HMCN2: variants seen among roughly 807,000 people sequenced by gnomAD.
HMCN2 encodes hemicentin 2, also known as hemicentin-2.
In HMCN2, 325 loss-of-function variants were observed where a neutral mutation model predicts 377.5. The observed-to-expected ratio is 0.86, with a 90% CI of 0.79 to 0.94. The LOEUF is 0.94. Among genes scored for constraint, HMCN2 ranks in the 40% least tolerant of loss-of-function variants. The pLI, the probability that HMCN2 is intolerant of heterozygous loss-of-function variation, is 0.00. For missense variants in HMCN2, 4,543 were observed against 4,725.3 expected (o/e 0.96, Z 1.13); for synonymous variants, 2,007 against 2,046.8 (o/e 0.98, Z 0.53).
At chr9:130,366,947 TG>T (rs1487442066) in intron 43 of HMCN2, among the ~76,000 whole-genome samples, 3 of 152,108 alleles carry the variant, frequency 2.0e-5, no homozygotes, top group Non-Finnish European at 4.4e-5. Flanking sequence ...AAAGATGTTC[TG>T]GGGGGTTGTA....
At chr9:130,268,860 G>A (rs1554920154) in intron 1 of HMCN2, among the ~76,000 whole-genome samples, 1 of 148,732 alleles carries the variant, frequency 6.7e-6, no homozygotes, top group Non-Finnish European at 1.5e-5. Context: ...TGAGTGCAGG[G>A]CCGATTGATG....
Position 130,356,070 on chromosome 9 carries a change from C to T in HMCN2, c.5256-18C>T, listed in dbSNP as rs1197937317. The T allele has an allele frequency of 1.6e-6, 2 of 1,253,600 alleles. No individual in the cohort carries two copies. Among genetic ancestry groups the T allele is most frequent in the Non-Finnish European group, 2.1e-6 (2 of 966,726 alleles). 77.7% of individuals were successfully genotyped at this position (1,253,600 alleles called of 1,614,324 possible). A position where few individuals can be genotyped will look rare whatever the true frequency, so the allele number is the denominator to read the frequency against. On this transcript the variant is annotated intron_variant, in intron 33 of 97. Coordinates refer to ENST00000683500, the MANE Select transcript of HMCN2 (RefSeq NM_001291815.2). ...CCCTGGTCTCAGGTTGACACGCCCC[C>T]CTCCCTACTCACCTTAGGTGGCTGC...
chr9:130,314,421 C>T (rs922450667), intron 15 of HMCN2, among the ~76,000 whole-genome samples: 9 of 152,356 alleles, frequency 5.9e-5, no homozygotes, highest in African/African-American at 2.2e-4. Flanking sequence ...CTAATCCAGC[C>T]TGCATCATTC....
At chr9:130,324,706 C>A (rs1051911795) in intron 19 of HMCN2, among the ~76,000 whole-genome samples, 10 of 152,098 alleles carry the variant, frequency 6.6e-5, no homozygotes, top group Non-Finnish European at 1.3e-4. Context: ...CTCACTGCAA[C>A]CTCCACCTCC....
chr9:130,393,884 G>A lies in HMCN2; in HGVS notation c.10377G>A (p.Gln3459=). The A allele has an allele frequency of 7.8e-7, 1 of 1,289,676 alleles. No individual in the cohort carries two copies. Among genetic ancestry groups the A allele is most frequent in the Non-Finnish European group, 1.0e-6 (1 of 988,812 alleles). 79.9% of individuals were successfully genotyped at this position (1,289,676 alleles called of 1,614,324 possible). Residue 3459 remains glutamine, a synonymous_variant, in exon 68 of 98, where the codon CAG becomes CAA. Transcript: ENST00000683500. The surrounding 1 kb of genome is among the most constrained non-coding windows in gnomAD (Gnocchi z 5.2). ...WMKDGEPLLS[Q]SLEQGPSLQL... ...AGGATGGGGAACCCTTGTTGTCCCAGAGCCTCGAGCAGGGGCCCAGCCTGC... is the reference window on the plus strand; with the variant it reads ...AGGATGGGGAACCCTTGTTGTCCCAAAGCCTCGAGCAGGGGCCCAGCCTGC...
intron 28 of HMCN2, 26 bp from the exon 29 acceptor site, chr9:130,349,511 C>A (rs1045210487): frequency 6.1e-5 from 79 of 1,300,664 alleles, no homozygotes; most frequent in Non-Finnish European, 7.9e-5. Context: ...AACAGTTTCC[C>A]ACCCCTCACG....
rs536801835 is a variant in HMCN2, at chr9:130,286,315, G to A, written c.612+5G>A. ...GACAAGCAGCAAGTGACAGAGGTGA[G>A]CACTGGGAGGGGGCACCATCCCGGA... On this transcript the variant is annotated splice_donor_5th_base_variant and intron_variant, in intron 4 of 97. Coordinates refer to ENST00000683500, the MANE Select transcript of HMCN2 (RefSeq NM_001291815.2). 6 of 470,882 alleles carry A rather than the reference G, an allele frequency of 1.3e-5. No individual in the cohort carries two copies. The highest frequency in any genetic ancestry group is 4.0e-5 in the African/African-American group (2 of 50,214). The allele number at this position is 470,882 out of a possible 1,614,324, so 29.2% of individuals were successfully genotyped here.
chr9:130,431,620 G>T, intron 96 of HMCN2, 134 bp downstream of exon 96: 1 of 1,317,518 alleles, frequency 7.6e-7, no homozygotes, highest in Non-Finnish European at 1.0e-6. Context: ...GGGCGGGGAG[G>T]CAGGCTCAGA....
rs985139695 is a variant in HMCN2 at position 130,388,679 on chromosome 9, C to A, written c.9523+139C>A. 3.7e-5 allele frequency: 14 copies of A among 381,654 alleles called. 2 individuals are homozygous for A. In the Middle Eastern group the frequency reaches 1.6e-3, roughly 44 times the overall value. The allele number at this position is 381,654 out of a possible 1,614,324, so 23.6% of individuals were successfully genotyped here. On this transcript the variant is annotated intron_variant, in intron 62 of 97. Transcript: ENST00000683500. ...GACTGGCAGTGCCGTGTTGCCCCCCCCCCCACCATTTGTGTTTGAGTGAAG... is the reference window on the plus strand; with the variant it reads ...GACTGGCAGTGCCGTGTTGCCCCCCACCCCACCATTTGTGTTTGAGTGAAG...
At chr9:130,400,008 G>A (rs531955447) in intron 76 of HMCN2, among the ~76,000 whole-genome samples, 1 of 152,190 alleles carries the variant, frequency 6.6e-6, no homozygotes, top group African/African-American at 2.4e-5. Flanking sequence ...TTCAGCTCAC[G>A]CCAGACCTGC....
rs1422317373 is a variant in HMCN2, at chr9:130,391,013, G to A, written c.9560G>A (p.Gly3187Asp). ...GTGCACGGTGTGGTCTCCCGGGGGG[G>A]CCGCCTCCAGCTGAGCCGCCTGCAA... is the stretch of plus-strand genomic sequence containing the variant. ...SAVHGVVSRG[G>D]RLQLSRLQPA... Residue 3187 changes from glycine (G) to aspartate (D), a missense_variant, in exon 63 of 98, where the codon GGC becomes GAC. Transcript: ENST00000683500. 86 of 987,302 alleles carry A rather than the reference G, an allele frequency of 8.7e-5. No homozygotes were observed. Among genetic ancestry groups the A allele is most frequent in the Non-Finnish European group, 1.0e-4 (86 of 830,194 alleles). 61.2% of individuals were successfully genotyped at this position (987,302 alleles called of 1,614,324 possible). A position where few individuals can be genotyped will look rare whatever the true frequency, so the allele number is the denominator to read the frequency against.
At chr9:130,279,716 G>C (rs1554924985) in intron 1 of HMCN2, among the ~76,000 whole-genome samples, 1 of 152,202 alleles carries the variant, frequency 6.6e-6, no homozygotes, top group Non-Finnish European at 1.5e-5. Flanking sequence ...GTTGATTCTT[G>C]CTGAAGACCA....
rs1844460692 is a variant in HMCN2, at chr9:130,427,637, A to G, written c.14065+18A>G. 2 of 1,546,014 alleles carry G rather than the reference A, an allele frequency of 1.3e-6. No homozygotes were observed. The highest frequency in any genetic ancestry group is 1.4e-5 in the African/African-American group (1 of 72,960). On this transcript the variant is annotated intron_variant, in intron 92 of 97. Transcript: ENST00000683500. ...CTGCAGAGGTGAGGGAGCTGCCGGG[A>G]GGAGGGAGGAGACGCGCTCCTCAGA...
intron 23 of HMCN2, among the ~76,000 whole-genome samples, chr9:130,339,599 G>A (rs1838943052): frequency 6.6e-6 from 1 of 152,210 alleles, no homozygotes. Context: ...TGGCCTCTCT[G>A]AGCTTTGCTT....
In HMCN2 at chr9:130,354,959, G is replaced by C; in HGVS notation, c.5061G>C (p.Pro1687=). Residue 1687 remains proline, a synonymous_variant, in exon 32 of 98, where the codon CCG becomes CCC. Coordinates refer to ENST00000683500, the MANE Select transcript of HMCN2 (RefSeq NM_001291815.2). ...GGAGTGTGCTGAGGCTGGAGAGCCCGGGGGAGGCATCCAGTGGCCTGTACA... is the reference window on the plus strand; with the variant it reads ...GGAGTGTGCTGAGGCTGGAGAGCCCCGGGGAGGCATCCAGTGGCCTGTACA... ...TDGSVLRLES[P]GEASSGLYSC... The C allele has an allele frequency of 2.3e-6, 3 of 1,301,998 alleles. No individual in the cohort carries two copies. The highest frequency in any genetic ancestry group is 3.0e-6 in the Non-Finnish European group (3 of 988,902). 80.7% of individuals were successfully genotyped at this position (1,301,998 alleles called of 1,614,324 possible). A position where few individuals can be genotyped will look rare whatever the true frequency, so the allele number is the denominator to read the frequency against.
chr9:130,428,084 C>T lies in HMCN2; in HGVS notation c.14066-274C>T, dbSNP rs75307619. ...GGAGGGCCTGGTGCTGCCAAGTCTC[C>T]GCTGGGCTCCAAGCCGGGTGCCCAA... On this transcript the variant is annotated intron_variant, in intron 92 of 97. Transcript: ENST00000683500. The surrounding 1 kb of genome is among the most constrained non-coding windows in gnomAD (Gnocchi z 5.0). Among the ~76,000 whole-genome samples, 2,542 of 152,278 alleles carry T rather than the reference C, an allele frequency of 0.017. 33 individuals are homozygous for T. The highest frequency in any genetic ancestry group is 0.067 in the East Asian group (345 of 5,170).
At chr9:130,346,873 G>A (rs1340608639) in intron 25 of HMCN2, among the ~76,000 whole-genome samples, 1 of 152,156 alleles carries the variant, frequency 6.6e-6, no homozygotes, top group African/African-American at 2.4e-5. Flanking sequence ...TTCTAAATGA[G>A]GGGACTGGGG....
chr9:130,386,649 TA>T, intron 61 of HMCN2, 125 bp downstream of exon 61: 1 of 429,360 alleles, frequency 2.3e-6, no homozygotes, highest in Non-Finnish European at 4.0e-6. Flanking sequence ...GCACAATGAC[TA>T]GAATTTGTGT....
intron 1 of HMCN2, among the ~76,000 whole-genome samples, chr9:130,278,809 A>G (rs1230058176): frequency 1.3e-5 from 2 of 148,466 alleles, no homozygotes; most frequent in East Asian, 4.1e-4. Context: ...TTGAGCTCCC[A>G]ACCTCAGGTG....
Sources: gnomAD v4.1 joint callset for allele counts (sites outside exome capture counted in the v4.1 genomes callset) on GRCh38, gnomAD v4.1.1 for gene constraint, Gnocchi (gnomAD v3.1) non-coding constraint, MANE v1.5 for transcripts, NCBI Gene and HGNC (gene_info 2026-07-23, HGNC 2026-07-21) for gene names.